Variants in DLG2 observed in about 807,000 individuals in gnomAD.
DLG2 encodes the protein disks large homolog 2.
In DLG2, 45 loss-of-function variants were observed where a neutral mutation model predicts 132.5. That is an observed-to-expected ratio of 0.34 (90% CI 0.27 to 0.44). DLG2 has a LOEUF of 0.44. Ranked by LOEUF, DLG2 falls within the 20% of genes least tolerant of loss-of-function variation. The probability of loss-of-function intolerance (pLI) is 1.00; values close to 1 mark genes in which losing one functional copy is unlikely to be tolerated. For synonymous variants in DLG2, 424 were observed against 419.6 expected (o/e 1.01, Z -0.13); for missense variants, 1,045 against 1,196.9 (o/e 0.87, Z 1.87).
chr11:83,469,126 C>G, intron 25 of DLG2, 75 bp downstream of exon 25: 1 of 979,080 alleles, frequency 1.0e-6, no homozygotes, highest in Non-Finnish European at 1.4e-6. Context: ...GAGTAATGAC[C>G]AAAAAAAAAA....
intron 15 of DLG2, among the ~76,000 whole-genome samples, chr11:83,876,118 A>G (rs1053438419): frequency 2.6e-5 from 4 of 152,200 alleles, no homozygotes; most frequent in African/African-American, 7.2e-5. Flanking sequence ...CCTTGTATAT[A>G]TTACTTAAAT....
At chr11:84,502,964 G>C (rs762723495) in intron 7 of DLG2, among the ~76,000 whole-genome samples, 1 of 152,126 alleles carries the variant, frequency 6.6e-6, no homozygotes, top group Non-Finnish European at 1.5e-5. Flanking sequence ...AATTAGAATA[G>C]ACAGAAAGGA....
chr11:83,663,949 A>C (rs2074957024), intron 18 of DLG2, among the ~76,000 whole-genome samples: 1 of 152,190 alleles, frequency 6.6e-6, no homozygotes. Context: ...TCACATTTGG[A>C]ATCAAACTGA....
intron 16 of DLG2, among the ~76,000 whole-genome samples, chr11:83,864,209 A>T (rs1288192413): frequency 6.6e-6 from 1 of 152,236 alleles, no homozygotes; most frequent in South Asian, 2.1e-4. Flanking sequence ...CCACCCGAAC[A>T]GTGCTAGTAG....
intron 7 of DLG2, among the ~76,000 whole-genome samples, chr11:84,284,855 C>T (rs754717861): frequency 6.6e-6 from 1 of 152,152 alleles, no homozygotes; most frequent in Non-Finnish European, 1.5e-5. Flanking sequence ...TCATATTTAT[C>T]AGCTTGTTCT....
At chr11:85,289,658 G>C (rs1313610170) in intron 3 of DLG2, among the ~76,000 whole-genome samples, 1 of 152,030 alleles carries the variant, frequency 6.6e-6, no homozygotes, top group Admixed American at 6.6e-5. Flanking sequence ...GTTCCCTTAC[G>C]ACATACCTGC....
chr11:85,436,472 AAAC>A (rs2091485289), intron 3 of DLG2, among the ~76,000 whole-genome samples: 3 of 152,332 alleles, frequency 2.0e-5, no homozygotes, highest in Middle Eastern at 3.4e-3. Context: ...AGAAAAAAAC[AAAC>A]AACTCCATTC....
intron 11 of DLG2, among the ~76,000 whole-genome samples, chr11:84,026,248 A>C (rs2095531491): frequency 6.6e-6 from 1 of 152,108 alleles, no homozygotes; most frequent in Admixed American, 6.6e-5. Flanking sequence ...TTTACCTCCC[A>C]CTGAAGTGAC....
intron 6 of DLG2, among the ~76,000 whole-genome samples, chr11:84,739,902 C>G (rs2064364729): frequency 2.0e-5 from 3 of 152,002 alleles, no homozygotes; most frequent in Non-Finnish European, 4.4e-5. Flanking sequence ...AGTACAGTCT[C>G]CTGGGGTCAT....
chr11:84,990,697 G>C (rs942512836), intron 6 of DLG2, among the ~76,000 whole-genome samples: 4 of 118,840 alleles, frequency 3.4e-5, no homozygotes, highest in African/African-American at 6.5e-5. Flanking sequence ...AAGAAGTAGC[G>C]ACAGCACTAA....
At chr11:83,500,058 A>C (rs182062624) in intron 21 of DLG2, among the ~76,000 whole-genome samples, 28 of 151,342 alleles carry the variant, frequency 1.9e-4, no homozygotes, top group African/African-American at 6.8e-4. Flanking sequence ...TCTTGCTTGC[A>C]TATACTCCCC....
intron 6 of DLG2, among the ~76,000 whole-genome samples, chr11:85,030,160 A>G (rs1184986052): frequency 6.6e-6 from 1 of 152,220 alleles, no homozygotes; most frequent in Non-Finnish European, 1.5e-5. Flanking sequence ...CTAAAGTTTT[A>G]CTTTTGTCAA....
chr11:84,542,128 TGAGAGAGAGA>T lies in DLG2; in HGVS notation c.358-7407_358-7398del, dbSNP rs59128357. Among the ~76,000 whole-genome samples, 529 of 147,030 alleles carry T rather than the reference TGAGAGAGAGA, an allele frequency of 3.6e-3. 2 individuals are homozygous for T. The highest frequency in any genetic ancestry group is 0.016 in the South Asian group (71 of 4,576). Reference sequence around the variant, plus strand: ...GTAGCAGGAGTTGGCACAGTACTGATGAGAGAGAGAGAGAGAGAGAGAGAAAGAGAGAGAG... The same window carrying T: ...GTAGCAGGAGTTGGCACAGTACTGATGAGAGAGAGAGAGAAAGAGAGAGAG... On this transcript the variant is annotated intron_variant, in intron 6 of 27. Transcript: ENST00000376104.
intron 6 of DLG2, among the ~76,000 whole-genome samples, chr11:84,560,791 G>C (rs146462233): frequency 6.6e-6 from 1 of 152,176 alleles, no homozygotes; most frequent in Non-Finnish European, 1.5e-5. Context: ...ATTACTTCAA[G>C]AGGTCTGAGT....
chr11:85,475,186 G>A (rs1055955529), intron 3 of DLG2, among the ~76,000 whole-genome samples: 2 of 151,526 alleles, frequency 1.3e-5, no homozygotes, highest in African/African-American at 4.8e-5. Flanking sequence ...AAAAGAAACA[G>A]AAGAAATAAA....
chr11:84,606,515 T>C (rs2099585948), intron 6 of DLG2, among the ~76,000 whole-genome samples: 1 of 152,162 alleles, frequency 6.6e-6, no homozygotes, highest in Non-Finnish European at 1.5e-5. Context: ...TTACTTTAAA[T>C]AGCTTTATTT....
At chr11:84,939,095 T>C (rs2154096240) in intron 6 of DLG2, among the ~76,000 whole-genome samples, 1 of 152,152 alleles carries the variant, frequency 6.6e-6, no homozygotes, top group Middle Eastern at 3.4e-3. Flanking sequence ...GATTACTTAT[T>C]AAAAATACAA....
intron 4 of DLG2, among the ~76,000 whole-genome samples, chr11:85,221,321 T>C (rs1364083322): frequency 6.6e-6 from 1 of 152,096 alleles, no homozygotes; most frequent in Non-Finnish European, 1.5e-5. Flanking sequence ...CCTCCCAAAG[T>C]GCTGGGATTA....
intron 16 of DLG2, among the ~76,000 whole-genome samples, chr11:83,843,185 C>T (rs1289455116): frequency 6.6e-6 from 1 of 152,194 alleles, no homozygotes; most frequent in Non-Finnish European, 1.5e-5. Flanking sequence ...CATATTTCAG[C>T]CTTACAAAGT....
Sources: allele counts gnomAD v4.1 joint callset (sites outside exome capture counted in the v4.1 genomes callset), GRCh38; gene constraint gnomAD v4.1.1; transcripts MANE v1.5; gene names NCBI Gene and HGNC (gene_info 2026-07-23, HGNC 2026-07-21).